Variants in VSX1 observed in about 807,000 individuals in gnomAD.
VSX1 encodes homeodomain protein RINX.
VSX1 carries 23 observed loss-of-function variants against 23.6 expected under a neutral mutation model. The observed-to-expected ratio is 0.97, with a 90% CI of 0.70 to 1.38. The LOEUF (loss-of-function observed/expected upper bound fraction) is 1.38, where lower values mean the gene tolerates loss of function less well. Among genes scored for constraint, VSX1 ranks in the 40% most tolerant of loss-of-function variants. The pLI is 0.00. For synonymous variants in VSX1, 247 were observed against 215.1 expected, an observed-to-expected ratio of 1.15 and a Z score of -1.30; for missense variants, 517 against 495.4, an observed-to-expected ratio of 1.04 and a Z score of -0.41.
At chr20:25,071,802 G>A (rs1450741307), downstream of VSX1, 4 of 707,174 alleles carry the variant, frequency 5.7e-6, no homozygotes, top group Non-Finnish European at 1.0e-5. Context: ...CCTGCAGGGG[G>A]CAAGTCTGGT....
At chr20:25,077,654 G>T in intron 4 of VSX1, 31 bp downstream of exon 4, 1 of 1,541,128 alleles carries the variant, frequency 6.5e-7, no homozygotes, top group Non-Finnish European at 8.7e-7. Flanking sequence ...ACAACACCTC[G>T]AGCCGTGCGA....
At chr20:25,078,098 G>A in intron 3 of VSX1, 1 of 594,774 alleles carries the variant, frequency 1.7e-6, no homozygotes, top group East Asian at 2.8e-5. Flanking sequence ...ACGCAGTAGG[G>A]ACACTTGTGA....
At chr20:25,072,560 G>C (rs1057485382), downstream of VSX1, 3 of 470,976 alleles carry the variant, frequency 6.4e-6, no homozygotes, top group Non-Finnish European at 1.3e-5. Context: ...GTGTTTTCCC[G>C]ATCCTTGGCT....
intron 3 of VSX1, chr20:25,078,561 TCATTGACATATC>T: frequency 3.0e-6 from 4 of 1,340,512 alleles, no homozygotes; most frequent in Admixed American, 3.4e-5. Flanking sequence ...TTTTTTTTTT[TCATTGACATATC>T]TTTATAGTTT....
At chr20:25,077,949 G>T (rs751911902) in intron 3 of VSX1, 84 bp from the exon 4 acceptor site, 68 of 1,471,632 alleles carry the variant, frequency 4.6e-5, no homozygotes, top group Non-Finnish European at 6.1e-5. Flanking sequence ...GCGTCCCAGG[G>T]CTCGGATCTT....
At chr20:25,079,965 A>T (rs2089605680) in intron 1 of VSX1, among the ~76,000 whole-genome samples, 1 of 152,056 alleles carries the variant, frequency 6.6e-6, no homozygotes, top group South Asian at 2.1e-4. Flanking sequence ...CTCTACACCA[A>T]CATTTCCCAA....
In VSX1 at chr20:25,077,794, G is replaced by C; in HGVS notation, c.699C>G (p.Ala233=). The change falls in exon 4 of 5, where the codon GCC becomes GCG. Residue 233 remains alanine, a synonymous_variant. Coordinates refer to ENST00000376709, the MANE Select transcript of VSX1 (RefSeq NM_014588.6). ...CCATGGCCCCGTACAGCCCGTACTC[G>C]GCCATCACGCTGCTGCCGCCCCAGC... is the stretch of plus-strand genomic sequence containing the variant. The part of the protein sequence containing the change: ...EKRWGGSSVM[A]EYGLYGAMVR... 4 of 1,551,182 alleles carry C rather than the reference G, an allele frequency of 2.6e-6. No individual in the cohort carries two copies. The highest frequency in any genetic ancestry group is 2.4e-5 in the South Asian group (2 of 84,080).
chr20:25,074,925 C>A (rs1467998393), downstream of VSX1, among the ~76,000 whole-genome samples: 1 of 152,198 alleles, frequency 6.6e-6, no homozygotes, highest in Non-Finnish European at 1.5e-5. Context: ...ATGCCAACTG[C>A]TCATTATGGG....
Position 25,076,477 on chromosome 20 carries a change from A to G in VSX1, c.882T>C (p.Ser294=), listed in dbSNP as rs145680548. 22 of 1,614,102 alleles carry G rather than the reference A, an allele frequency of 1.4e-5. No individual in the cohort carries two copies. In the African/African-American group the frequency reaches 2.7e-4, roughly 20 times the overall value. Residue 294 remains serine (S), a synonymous_variant, in exon 5 of 5, where the codon TCT becomes TCC. Transcript: ENST00000376709. The stretch of plus-strand genomic sequence containing the variant: ...GGCTAGAACCTTCTTTGAAGTGGTC[A>G]GAGCCCCAGAGTCCTGCCAACTTAT... ...SEDKLAGLWG[S]DHFKEGSSQS...
chr20:25,071,984 C>A, downstream of VSX1: 1 of 628,888 alleles, frequency 1.6e-6, no homozygotes, highest in South Asian at 1.9e-5. Context: ...CTGCAAAGTC[C>A]AGTGAACGGG....
chr20:25,074,589 C>G (rs891265774), downstream of VSX1, among the ~76,000 whole-genome samples: 2 of 152,012 alleles, frequency 1.3e-5, no homozygotes, highest in Admixed American at 6.5e-5. Flanking sequence ...TTATTTCTAT[C>G]TTTTTTCTTT....
intron 4 of VSX1, 138 bp downstream of exon 4, chr20:25,077,547 T>C (rs879150560): frequency 4.9e-6 from 5 of 1,022,254 alleles, no homozygotes; most frequent in Non-Finnish European, 7.1e-6. Flanking sequence ...TTAAAAATAA[T>C]AAGAACGGTT....
chr20:25,076,670 C>T, intron 4 of VSX1, 120 bp from the exon 5 acceptor site: 1 of 1,211,462 alleles, frequency 8.3e-7, no homozygotes, highest in Non-Finnish European at 1.1e-6. Flanking sequence ...CAGTGCCTAT[C>T]TCTGGGGCCT....
chr20:25,081,009 C>T (rs1489741726), intron 1 of VSX1, among the ~76,000 whole-genome samples: 1 of 152,228 alleles, frequency 6.6e-6, no homozygotes, highest in African/African-American at 2.4e-5. Flanking sequence ...CCTTCTCTTT[C>T]CCCGCGACCC....
At chr20:25,074,790 G>A (rs984914019), downstream of VSX1, among the ~76,000 whole-genome samples, 21 of 152,176 alleles carry the variant, frequency 1.4e-4, no homozygotes, top group East Asian at 9.6e-4. Context: ...AGCAACAACC[G>A]AGGAGTAAAC....
In VSX1 at chr20:25,077,659, G is replaced by C. The variant is rs772148599; in HGVS notation, c.808+26C>G. The C allele has an allele frequency of 1.7e-5, 26 of 1,542,222 alleles. No individual in the cohort carries two copies. The South Asian group carries it at 2.9e-4, about 17-fold the overall frequency. ...CCCACCTCCTACAACACCTCGAGCCGTGCGATCCCGGGGGCCCTTCCTTAC... is the reference window on the plus strand; with the variant it reads ...CCCACCTCCTACAACACCTCGAGCCCTGCGATCCCGGGGGCCCTTCCTTAC... On this transcript the variant is annotated intron_variant, in intron 4 of 4. Transcript: ENST00000376709.
Position 25,076,289 on chromosome 20 carries a change from G to A in VSX1, c.1070C>T (p.Pro357Leu). ...GGSNSTALEG[P>L]QPGKVGAT ...TGTGGCTCCCACCTTCCCTGGCTGGGGCCCCTCCAGTGCCGTGGAGTTGGA... is the reference window on the plus strand; with the variant it reads ...TGTGGCTCCCACCTTCCCTGGCTGGAGCCCCTCCAGTGCCGTGGAGTTGGA... The change falls in exon 5 of 5, where the codon CCC (proline) becomes CTC (leucine). Residue 357 changes from proline to leucine, a missense_variant. Pro to Leu is a moderately conservative substitution (Grantham distance 98). Transcript: ENST00000376709. 1.9e-6 allele frequency: 3 copies of A among 1,614,186 alleles called. No individual in the cohort carries two copies. The highest frequency in any genetic ancestry group is 2.2e-5 in the East Asian group (1 of 44,874).
At chr20:25,081,357 G>A in intron 1 of VSX1, 1 of 640,794 alleles carries the variant, frequency 1.6e-6, no homozygotes, top group Non-Finnish European at 2.9e-6. Context: ...TGGCGCTGGG[G>A]GGAAAAATGG....
rs752045765 is a variant in VSX1, at chr20:25,078,891, G to A, written c.565C>T (p.Pro189Ser). Residue 189 changes from proline to serine, a missense_variant, in exon 3 of 5, where the codon CCT (proline) becomes TCT (serine). Pro to Ser is a moderately conservative substitution (Grantham distance 74, BLOSUM62 -1). Transcript: ENST00000376709. The stretch of plus-strand genomic sequence containing the variant: ...AGCATTTCTCGGGCATACACATCAG[G>A]GTAGTGGGCCTCGCTGAATGCCTTC... ...LEKAFSEAHY[P>S]DVYAREMLAV... is the part of the protein sequence containing the mutation. 5.6e-6 allele frequency: 9 copies of A among 1,614,202 alleles called. No individual in the cohort carries two copies. The Admixed American group carries it at 1.2e-4, about 21-fold the overall frequency.
Sources: allele counts gnomAD v4.1 joint callset (sites outside exome capture counted in the v4.1 genomes callset), GRCh38; gene constraint gnomAD v4.1.1; transcripts MANE v1.5; gene names NCBI Gene and HGNC (gene_info 2026-07-23, HGNC 2026-07-21).